TTLL11: variants seen among roughly 807,000 people sequenced by gnomAD.
TTLL11 encodes the protein tubulin polyglutamylase TTLL11.
TTLL11 carries 42 observed loss-of-function variants against 51.7 expected under a neutral mutation model. That is an observed-to-expected ratio of 0.81 (90% confidence interval 0.64 to 1.05). The LOEUF is 1.05. TTLL11 is among the 50% of genes least tolerant of loss of function. The probability of loss-of-function intolerance (pLI) is 0.00; values close to 1 mark genes in which losing one functional copy is unlikely to be tolerated. For synonymous variants in TTLL11, 381 were observed against 383.5 expected (o/e 0.99, Z 0.08); for missense variants, 799 against 940.4 (o/e 0.85, Z 1.97).
intron 4 of TTLL11, among the ~76,000 whole-genome samples, chr9:121,978,276 T>C (rs1408024895): frequency 6.6e-6 from 1 of 152,022 alleles, no homozygotes; most frequent in Non-Finnish European, 1.5e-5. Context: ...ATATGTAGAG[T>C]TATCTTGTCA....
intron 2 of TTLL11, among the ~76,000 whole-genome samples, chr9:122,032,162 T>C (rs146559841): frequency 4.1e-4 from 63 of 152,338 alleles, no homozygotes; most frequent in Middle Eastern, 3.4e-3. Flanking sequence ...AGGTAATGAA[T>C]AGGGAAGCAT....
At chr9:121,958,046 C>T (rs927476150) in intron 6 of TTLL11, among the ~76,000 whole-genome samples, 9 of 152,196 alleles carry the variant, frequency 5.9e-5, no homozygotes, top group South Asian at 2.1e-4. Flanking sequence ...ACTTGTGGAA[C>T]GAGTGTCCCC....
chr9:121,872,768 G>GA (rs1251690491), intron 6 of TTLL11, among the ~76,000 whole-genome samples: 1 of 152,162 alleles, frequency 6.6e-6, no homozygotes, highest in Non-Finnish European at 1.5e-5. Context: ...AAGCATGAGG[G>GA]AAAAATCTCT....
intron 6 of TTLL11, among the ~76,000 whole-genome samples, chr9:121,927,471 G>C (rs1424853493): frequency 1.3e-5 from 2 of 152,116 alleles, no homozygotes; most frequent in East Asian, 3.9e-4. Flanking sequence ...CAGCTTTTTG[G>C]ATCAGTCAAT....
At chr9:121,884,187 G>A (rs1486538910) in intron 6 of TTLL11, among the ~76,000 whole-genome samples, 1 of 152,104 alleles carries the variant, frequency 6.6e-6, no homozygotes, top group African/African-American at 2.4e-5. Context: ...CTAAGGAGCA[G>A]TGTGTTTATG....
chr9:121,916,029 A>G (rs1299455130), intron 6 of TTLL11, among the ~76,000 whole-genome samples: 6 of 134,268 alleles, frequency 4.5e-5, no homozygotes, highest in African/African-American at 1.6e-4. Flanking sequence ...ACACACACAC[A>G]CACACTGAGG....
At chr9:121,827,630 A>G (rs1225481376) in intron 8 of TTLL11, among the ~76,000 whole-genome samples, 1 of 152,214 alleles carries the variant, frequency 6.6e-6, no homozygotes, top group African/African-American at 2.4e-5. Context: ...CCCAAACTGC[A>G]CGCCATGAGC....
At chr9:122,070,451 C>T (rs1248515190) in intron 1 of TTLL11, among the ~76,000 whole-genome samples, 1 of 152,094 alleles carries the variant, frequency 6.6e-6, no homozygotes, top group African/African-American at 2.4e-5. Context: ...AGAACATCAA[C>T]TCCACAGCCC....
At chr9:121,857,869 A>G (rs188749217) in intron 8 of TTLL11, among the ~76,000 whole-genome samples, 10 of 152,308 alleles carry the variant, frequency 6.6e-5, no homozygotes, top group Admixed American at 5.2e-4. Flanking sequence ...GCTAGTTTGC[A>G]GCAATAAAAC....
At chr9:122,057,569 C>T (rs968994813) in intron 1 of TTLL11, among the ~76,000 whole-genome samples, 5 of 152,164 alleles carry the variant, frequency 3.3e-5, no homozygotes, top group South Asian at 4.2e-4. Flanking sequence ...TCAAGTGATC[C>T]GCCTGCCTCA....
chr9:122,083,888 G>A (rs566970194), intron 1 of TTLL11, among the ~76,000 whole-genome samples: 2 of 152,156 alleles, frequency 1.3e-5, no homozygotes, highest in African/African-American at 2.4e-5. Flanking sequence ...GAATTAGAGG[G>A]GAGGATGGAA....
At chr9:122,039,029 T>C (rs930866226) in intron 2 of TTLL11, among the ~76,000 whole-genome samples, 4 of 152,220 alleles carry the variant, frequency 2.6e-5, no homozygotes, top group Non-Finnish European at 4.4e-5. Context: ...CCATATTATA[T>C]GCATAACCCA....
intron 6 of TTLL11, among the ~76,000 whole-genome samples, chr9:121,883,276 G>A (rs760316558): frequency 2.0e-5 from 3 of 152,160 alleles, no homozygotes; most frequent in African/African-American, 4.8e-5. Context: ...GGAGATGGAC[G>A]ATAGAATCCA....
intron 1 of TTLL11, among the ~76,000 whole-genome samples, chr9:122,040,184 G>A (rs1844811356): frequency 1.3e-5 from 2 of 152,180 alleles, no homozygotes; most frequent in Non-Finnish European, 2.9e-5. Context: ...TGAGAGACAA[G>A]AAAGGAGCAG....
In TTLL11 at chr9:121,819,644, G is replaced by A. The variant is rs1213152053; in HGVS notation, c.*2943C>T. ...AGAGCGGGAGGGAGAAGACGCTGGA[G>A]ATGGATCCTGAGGGCGCTTGCAGGG... On this transcript the variant is annotated 3_prime_UTR_variant, in exon 9 of 9. Coordinates refer to ENST00000321582, the MANE Select transcript of TTLL11 (RefSeq NM_001139442.2). Among the ~76,000 whole-genome samples, 3 of 152,158 alleles carry A rather than the reference G, an allele frequency of 2.0e-5. No individual in the cohort carries two copies. The highest frequency in any genetic ancestry group is 2.9e-5 in the Non-Finnish European group (2 of 68,032).
intron 1 of TTLL11, among the ~76,000 whole-genome samples, chr9:122,090,126 T>G (rs2131945446): frequency 7.2e-6 from 1 of 139,474 alleles, no homozygotes; most frequent in Admixed American, 7.0e-5. Flanking sequence ...AGATCAACAT[T>G]ACCATTATGC....
intron 6 of TTLL11, among the ~76,000 whole-genome samples, chr9:121,935,118 C>T (rs1841150143): frequency 1.5e-5 from 2 of 131,384 alleles, no homozygotes; most frequent in African/African-American, 6.2e-5. Flanking sequence ...CCATGCCCGG[C>T]TATTTTTTTT....
At chr9:121,883,294 G>T (rs1447897675) in intron 6 of TTLL11, among the ~76,000 whole-genome samples, 1 of 152,216 alleles carries the variant, frequency 6.6e-6, no homozygotes, top group Non-Finnish European at 1.5e-5. Flanking sequence ...CCACTCTCCA[G>T]AGGTGTTGAG....
At chr9:122,002,882 G>A (rs1165050447) in intron 3 of TTLL11, among the ~76,000 whole-genome samples, 1 of 146,848 alleles carries the variant, frequency 6.8e-6, no homozygotes, top group Non-Finnish European at 1.5e-5. Flanking sequence ...GGAGGTGGAG[G>A]TTGCAGTGAG....
Sources: gnomAD v4.1 joint callset for allele counts (sites outside exome capture counted in the v4.1 genomes callset) on GRCh38, gnomAD v4.1.1 for gene constraint, MANE v1.5 for transcripts, NCBI Gene and HGNC (gene_info 2026-07-23, HGNC 2026-07-21) for gene names.